Variants in DSCAM observed in about 807,000 individuals in gnomAD.
DSCAM encodes cell adhesion molecule DSCAM.
A neutral mutation model predicts 217.7 loss-of-function variants in DSCAM; 47 were observed. The observed-to-expected ratio is 0.22, with a 90% CI of 0.17 to 0.28. The LOEUF is 0.28. Among genes scored for constraint, DSCAM ranks in the 10% least tolerant of loss-of-function variants. DSCAM has a pLI of 1.00. For synonymous variants in DSCAM, 1,056 were observed against 1,015.3 expected (o/e 1.04, Z -0.76); for missense variants, 2,080 against 2,618.3 (o/e 0.79, Z 4.49).
At chr21:40,687,891 G>A (rs1477368955) in intron 3 of DSCAM, among the ~76,000 whole-genome samples, 1 of 152,128 alleles carries the variant, frequency 6.6e-6, no homozygotes, top group Non-Finnish European at 1.5e-5. Context: ...TAAAGCCCAA[G>A]TCTTGCGTGA....
chr21:40,507,781 C>T (rs895318723), intron 3 of DSCAM, among the ~76,000 whole-genome samples: 1 of 152,086 alleles, frequency 6.6e-6, no homozygotes, highest in East Asian at 1.9e-4. Context: ...CAGCAAGACT[C>T]TGTCTCAAAA....
At chr21:40,298,810 T>C (rs2123454922) in intron 9 of DSCAM, among the ~76,000 whole-genome samples, 1 of 152,288 alleles carries the variant, frequency 6.6e-6, no homozygotes, top group African/African-American at 2.4e-5. Flanking sequence ...TTGCATTCCC[T>C]CTGGAAGCAT....
intron 1 of DSCAM, among the ~76,000 whole-genome samples, chr21:40,836,587 C>T (rs931217162): frequency 6.6e-6 from 1 of 152,176 alleles, no homozygotes; most frequent in African/African-American, 2.4e-5. Context: ...ACAGAGTTCT[C>T]CAACAGTTCA....
intron 3 of DSCAM, among the ~76,000 whole-genome samples, chr21:40,424,364 T>C (rs2075452545): frequency 6.6e-6 from 1 of 152,134 alleles, no homozygotes; most frequent in Non-Finnish European, 1.5e-5. Flanking sequence ...TGGAGAAATA[T>C]GGAGACAGAC....
intron 3 of DSCAM, among the ~76,000 whole-genome samples, chr21:40,467,945 A>C (rs1323810860): frequency 2.6e-5 from 4 of 151,312 alleles, no homozygotes; most frequent in African/African-American, 4.8e-5. Flanking sequence ...AAAAAAAAAA[A>C]AAAAAACTAC....
chr21:40,658,705 T>C (rs956807512), intron 3 of DSCAM, among the ~76,000 whole-genome samples: 6 of 151,608 alleles, frequency 4.0e-5, no homozygotes, highest in African/African-American at 9.7e-5. Flanking sequence ...TGAAAGAAAA[T>C]TGATGGGGGG....
intron 8 of DSCAM, among the ~76,000 whole-genome samples, chr21:40,324,878 ATTATT>A (rs1444726106): frequency 1.3e-5 from 2 of 152,188 alleles, no homozygotes; most frequent in African/African-American, 2.4e-5. Context: ...ATGAGGTACA[ATTATT>A]TTATTTTTGT....
intron 16 of DSCAM, among the ~76,000 whole-genome samples, chr21:40,153,868 AACT>A (rs1426714031): frequency 6.6e-6 from 1 of 152,166 alleles, no homozygotes; most frequent in Non-Finnish European, 1.5e-5. Flanking sequence ...AAAAAGCAGC[AACT>A]ATGCATTCCC....
rs755767800 is a variant in DSCAM at position 40,605,791 on chromosome 21, C to CTTTTTTTTTTTTTTTTTT, written c.508+87001_508+87018dup. Among the ~76,000 whole-genome samples the CTTTTTTTTTTTTTTTTTT allele has an allele frequency of 9.7e-5, 6 of 61,994 alleles. 1 individual carries two copies. The highest frequency in any genetic ancestry group is 3.8e-4 in the African/African-American group (6 of 15,798). The allele number at this position is 61,994 out of a possible 152,430, so 40.7% of individuals were successfully genotyped here. A position where few individuals can be genotyped will look rare whatever the true frequency, so the allele number is the denominator to read the frequency against. On this transcript the variant is annotated intron_variant, in intron 3 of 32. Transcript: ENST00000400454. ...CTTATATATGTGCTTAATGCACATT[C>CTTTTTTTTTTTTTTTTTT]TTTTTTTTTTTTTTTTTTTTTTTTT...
intron 3 of DSCAM, among the ~76,000 whole-genome samples, chr21:40,674,685 T>A (rs1049562043): frequency 7.0e-6 from 1 of 143,230 alleles, no homozygotes; most frequent in Non-Finnish European, 1.5e-5. Flanking sequence ...CAGGCTGGAG[T>A]GCAGTGGCGC....
chr21:40,364,322 T>C (rs577318869), intron 4 of DSCAM, among the ~76,000 whole-genome samples: 3 of 152,132 alleles, frequency 2.0e-5, no homozygotes, highest in Non-Finnish European at 4.4e-5. Context: ...AAGTGGCACA[T>C]ATACACCATG....
At chr21:40,579,535 G>C (rs2076886367) in intron 3 of DSCAM, among the ~76,000 whole-genome samples, 1 of 152,096 alleles carries the variant, frequency 6.6e-6, no homozygotes, top group African/African-American at 2.4e-5. Flanking sequence ...CAAACAGCCA[G>C]AATCCTTGGA....
In DSCAM at chr21:40,364,103, T is replaced by C. The variant is rs550925579; in HGVS notation, c.655+4996A>G. On this transcript the variant is annotated intron_variant, in intron 4 of 32. Coordinates refer to ENST00000400454, the MANE Select transcript of DSCAM (RefSeq NM_001389.5). ...TGGGACTGTAAACTAGTTCAAACAT[T>C]GTGAAAGTCAGTGTGGCGATTCCTC... Among the ~76,000 whole-genome samples, 17 of 152,274 alleles carry C rather than the reference T, an allele frequency of 1.1e-4. No homozygotes were observed. The South Asian group carries it at 3.5e-3, about 32-fold the overall frequency.
At chr21:40,465,514 A>G (rs1277125327) in intron 3 of DSCAM, among the ~76,000 whole-genome samples, 1 of 152,248 alleles carries the variant, frequency 6.6e-6, no homozygotes, top group Non-Finnish European at 1.5e-5. Flanking sequence ...TCCATTAAAA[A>G]TAATGAGACG....
intron 17 of DSCAM, among the ~76,000 whole-genome samples, chr21:40,143,012 T>C (rs2090311800): frequency 6.6e-6 from 1 of 152,218 alleles, no homozygotes; most frequent in Non-Finnish European, 1.5e-5. Context: ...TTTTATTGCC[T>C]GAGTAGAAAA....
chr21:40,118,990 C>T (rs1402374693), intron 20 of DSCAM, among the ~76,000 whole-genome samples: 1 of 152,176 alleles, frequency 6.6e-6, no homozygotes, highest in Non-Finnish European at 1.5e-5. Context: ...GTTTACCTGC[C>T]TATGTCAGCG....
chr21:40,494,611 T>C (rs1051148465), intron 3 of DSCAM, among the ~76,000 whole-genome samples: 1 of 151,734 alleles, frequency 6.6e-6, no homozygotes, highest in African/African-American at 2.4e-5. Context: ...GTAGCAAAAG[T>C]AGTTCTAATA....
chr21:40,107,479 T>C (rs1568943556), intron 20 of DSCAM, among the ~76,000 whole-genome samples: 1 of 151,954 alleles, frequency 6.6e-6, no homozygotes, highest in Non-Finnish European at 1.5e-5. Flanking sequence ...GTAAATATCT[T>C]TCAGATCCAT....
At chr21:40,618,055 C>T (rs2089428481) in intron 3 of DSCAM, among the ~76,000 whole-genome samples, 1 of 152,172 alleles carries the variant, frequency 6.6e-6, no homozygotes, top group Admixed American at 6.5e-5. Flanking sequence ...GAACTTTATT[C>T]ACTGACATTC....
Sources: allele counts gnomAD v4.1 joint callset (sites outside exome capture counted in the v4.1 genomes callset), GRCh38; gene constraint gnomAD v4.1.1; transcripts MANE v1.5; gene names NCBI Gene and HGNC (gene_info 2026-07-23, HGNC 2026-07-21).